Variants in INPP4B observed in about 807,000 individuals in gnomAD.
INPP4B encodes the protein inositol polyphosphate-4-phosphatase type II B.
A neutral mutation model predicts 122.5 loss-of-function variants in INPP4B; 55 were observed. The observed-to-expected ratio is 0.45, with a 90% CI of 0.36 to 0.56. The LOEUF (loss-of-function observed/expected upper bound fraction) is 0.56. Ranked by LOEUF, INPP4B falls within the 20% of genes least tolerant of loss-of-function variation. The probability of loss-of-function intolerance (pLI) is 0.00; values close to 1 mark genes in which losing one functional copy is unlikely to be tolerated. For missense variants in INPP4B, 1,000 were observed against 1,097.7 expected (o/e 0.91, Z 1.26); for synonymous variants, 403 against 388.7 (o/e 1.04, Z -0.43).
At chr4:142,155,620 C>T (rs978670856) in intron 17 of INPP4B, among the ~76,000 whole-genome samples, 4 of 152,090 alleles carry the variant, frequency 2.6e-5, no homozygotes, top group African/African-American at 4.8e-5. Context: ...TCAAGGTCAT[C>T]GCCAAGGTCT....
chr4:142,649,166 T>C lies in INPP4B; in HGVS notation c.-191+76673A>G, dbSNP rs142916109. Among the ~76,000 whole-genome samples the C allele has an allele frequency of 5.5e-3, 832 of 152,202 alleles. 6 individuals are homozygous for C. The highest frequency in any genetic ancestry group is 0.018 in the African/African-American group (756 of 41,536). On this transcript the variant is annotated intron_variant, in intron 2 of 25. Transcript: ENST00000262992. ...AGGAAAACTAACAAACAGAAAGGAA[T>C]AGTACCAACATCAACAAAAAGGACA...
At chr4:142,502,525 G>T (rs189735134) in intron 2 of INPP4B, among the ~76,000 whole-genome samples, 2 of 152,170 alleles carry the variant, frequency 1.3e-5, no homozygotes, top group Non-Finnish European at 2.9e-5. Context: ...TTTCGCTCTT[G>T]TCACCCAGGC....
At chr4:142,816,050 ACTG>A (rs1405653530) in intron 1 of INPP4B, among the ~76,000 whole-genome samples, 2 of 152,158 alleles carry the variant, frequency 1.3e-5, no homozygotes, top group African/African-American at 4.8e-5. Context: ...GTGGCAACAG[ACTG>A]ATGTCAGAGA....
chr4:142,242,086 C>A (rs971168642), intron 11 of INPP4B, among the ~76,000 whole-genome samples: 3 of 152,126 alleles, frequency 2.0e-5, no homozygotes, highest in Non-Finnish European at 4.4e-5. Flanking sequence ...ATTGCCTATT[C>A]TCCAAAAGCT....
rs142734982 is a variant in INPP4B, at chr4:142,668,385, A to AG, written c.-191+57453dup. ...TAAAGGTCACATATGACAAAACTCC[A>AG]GGTAACATCATACTCACTGGAAAAA... On this transcript the variant is annotated intron_variant, in intron 2 of 25. Transcript: ENST00000262992. 8.0e-3 allele frequency among the ~76,000 whole-genome samples: 1,218 copies of AG among 152,324 alleles called. 12 individuals carry two copies. The highest frequency in any genetic ancestry group is 0.026 in the African/African-American group (1,072 of 41,564).
At chr4:142,037,334 T>G (rs1196529428) in intron 25 of INPP4B, among the ~76,000 whole-genome samples, 1 of 152,162 alleles carries the variant, frequency 6.6e-6, no homozygotes, top group Non-Finnish European at 1.5e-5. Flanking sequence ...CACTTTCTTT[T>G]CTGCAAGTAT....
At chr4:142,372,271 G>T (rs1309296828) in intron 7 of INPP4B, among the ~76,000 whole-genome samples, 3 of 152,042 alleles carry the variant, frequency 2.0e-5, no homozygotes, top group African/African-American at 7.2e-5. Context: ...GGTTACCAGA[G>T]TCTGGGAAGG....
chr4:142,501,840 A>C (rs1823412575), intron 2 of INPP4B, among the ~76,000 whole-genome samples: 1 of 152,104 alleles, frequency 6.6e-6, no homozygotes, highest in Non-Finnish European at 1.5e-5. Context: ...ACAAAGAAAA[A>C]GTTACCTAAG....
intron 9 of INPP4B, among the ~76,000 whole-genome samples, chr4:142,304,181 C>A (rs1235934251): frequency 6.6e-6 from 1 of 152,040 alleles, no homozygotes; most frequent in African/African-American, 2.4e-5. Context: ...GGGTCACATT[C>A]AATAGTCAGG....
At chr4:142,413,568 A>G (rs1805054733) in intron 5 of INPP4B, among the ~76,000 whole-genome samples, 1 of 152,166 alleles carries the variant, frequency 6.6e-6, no homozygotes, top group Non-Finnish European at 1.5e-5. Flanking sequence ...AAAACATGCA[A>G]AGAAGGTGAG....
intron 7 of INPP4B, among the ~76,000 whole-genome samples, chr4:142,360,985 TTGAG>T (rs1389355881): frequency 6.6e-6 from 1 of 151,930 alleles, no homozygotes; most frequent in Non-Finnish European, 1.5e-5. Context: ...TGTTTGCTCT[TTGAG>T]TGTCATCCTT....
At chr4:142,762,626 T>G (rs1297358133) in intron 1 of INPP4B, among the ~76,000 whole-genome samples, 9 of 152,178 alleles carry the variant, frequency 5.9e-5, no homozygotes, top group Non-Finnish European at 7.4e-5. Context: ...TGCAGTACAC[T>G]TTTCTAACAG....
intron 1 of INPP4B, among the ~76,000 whole-genome samples, chr4:142,774,052 GAGAAA>G (rs1226427597): frequency 1.3e-5 from 2 of 152,060 alleles, no homozygotes; most frequent in Non-Finnish European, 2.9e-5. Flanking sequence ...GTTTTCTTAA[GAGAAA>G]AGAAGAGTGC....
At chr4:142,137,451 T>A (rs1269839420) in intron 18 of INPP4B, among the ~76,000 whole-genome samples, 4 of 84,840 alleles carry the variant, frequency 4.7e-5, no homozygotes, top group African/African-American at 9.1e-5. Flanking sequence ...AACCTAGGCA[T>A]TACCATTCAG....
intron 2 of INPP4B, among the ~76,000 whole-genome samples, chr4:142,665,493 C>CA (rs11417876): frequency 0.67 from 71,732 of 107,630 alleles, 23,216 homozygotes; most frequent in East Asian, 0.74. Context: ...GACTCTGTCT[C>CA]AAAAAAAAAA....
intron 1 of INPP4B, among the ~76,000 whole-genome samples, chr4:142,783,987 T>C (rs1044183633): frequency 2.0e-5 from 3 of 152,158 alleles, no homozygotes; most frequent in Admixed American, 6.6e-5. Context: ...CCAGAGACTT[T>C]TGGTTTCACC....
intron 7 of INPP4B, among the ~76,000 whole-genome samples, chr4:142,326,351 A>C (rs1162673812): frequency 6.6e-6 from 1 of 152,248 alleles, no homozygotes; most frequent in East Asian, 1.9e-4. Context: ...TCGCACTGGA[A>C]AGCCACAATC....
chr4:142,256,310 C>G (rs1318689789), intron 11 of INPP4B, among the ~76,000 whole-genome samples: 1 of 151,532 alleles, frequency 6.6e-6, no homozygotes, highest in Non-Finnish European at 1.5e-5. Context: ...AAAGCAAGAG[C>G]AAACACATTC....
At chr4:142,815,071 T>C (rs1187858295) in intron 1 of INPP4B, among the ~76,000 whole-genome samples, 1 of 152,184 alleles carries the variant, frequency 6.6e-6, no homozygotes. Context: ...ACTGACATTT[T>C]ACTTCTCTGG....
Sources: allele counts gnomAD v4.1 joint callset (sites outside exome capture counted in the v4.1 genomes callset), GRCh38; gene constraint gnomAD v4.1.1; transcripts MANE v1.5; gene names NCBI Gene and HGNC (gene_info 2026-07-23, HGNC 2026-07-21).